Variants in KRTAP9-6 observed in about 807,000 individuals in gnomAD.
The protein encoded by KRTAP9-6 is keratin associated protein 9-6.
A neutral mutation model predicts 11.3 loss-of-function variants in KRTAP9-6; 5 were observed. The observed-to-expected ratio is 0.44, with a 90% CI of 0.23 to 0.93. The LOEUF is 0.93. KRTAP9-6 is among the 40% of genes least tolerant of loss of function. KRTAP9-6 has a pLI of 0.23. For missense variants in KRTAP9-6, 81 were observed against 159.6 expected (o/e 0.51, Z 2.65); for synonymous variants, 37 against 57.8 (o/e 0.64, Z 1.63).
rs754139576 is a variant in KRTAP9-6, at chr17:41,265,400, G to C, written c.23G>C (p.Gly8Ala). The C allele has an allele frequency of 1.4e-5, 23 of 1,611,750 alleles. No homozygotes were observed. The South Asian group carries it at 2.5e-4, about 18-fold the overall frequency. The change falls in exon 1 of 1, where the codon GGC (glycine) becomes GCC (alanine). Residue 8 changes from glycine to alanine, a missense_variant. By Grantham distance (60) the Gly-to-Ala change is moderately conservative. Coordinates refer to ENST00000391355, the Ensembl canonical transcript of KRTAP9-6. ...AACATGACCCACTGTTGCTCCCCTGGCTGTCAGCCTACCTGCTGCAGGACC... is the reference window on the plus strand; with the variant it reads ...AACATGACCCACTGTTGCTCCCCTGCCTGTCAGCCTACCTGCTGCAGGACC...
At chr17:41,265,472 G>A in exon 1 of KRTAP9-6, 1 of 1,612,742 alleles carries the variant, frequency 6.2e-7, no homozygotes, top group Non-Finnish European at 8.5e-7. Flanking sequence ...GTGACCACCT[G>A]CAGCAGCACA....
chr17:41,265,448 G>A, the KRTAP9-6 span: 1 of 1,612,498 alleles, frequency 6.2e-7, no homozygotes, highest in Non-Finnish European at 8.5e-7. Flanking sequence ...ACTACCTGCT[G>A]GCAGCCCACC....
At position 41,265,811 on chromosome 17, in the gene KRTAP9-6, A is replaced by G. The variant is rs576405629; in HGVS notation, c.434A>G (p.Tyr145Cys). 6 of 737,100 alleles carry G rather than the reference A, an allele frequency of 8.1e-6. 2 individuals are homozygous for G. The highest frequency in any genetic ancestry group is 1.1e-4 in the Admixed American group (2 of 18,516). The allele number at this position is 737,100 out of a possible 1,614,324, so 45.7% of individuals were successfully genotyped here. A position where few individuals can be genotyped will look rare whatever the true frequency, so the allele number is the denominator to read the frequency against. The change falls in exon 1 of 1, where the codon TAC becomes TGC. Residue 145 changes from tyrosine (Y) to cysteine (C), a missense_variant. Transcript: ENST00000391355. ...GGATCCAGCTGCTGCCAGCCCTGCT[A>G]CTGCCCAGCCTGCTGTGTGTCCAGC... is the stretch of plus-strand genomic sequence containing the variant.
At chr17:41,265,852 T>C (rs1257010794) in exon 1 of KRTAP9-6, 1 of 741,322 alleles carries the variant, frequency 1.3e-6, no homozygotes, top group East Asian at 3.9e-5. Flanking sequence ...CCAGCATTCT[T>C]GTTGCTGAGC....
chr17:41,265,613 C>T, exon 1 of KRTAP9-6: 6 of 1,553,664 alleles, frequency 3.9e-6, no homozygotes, highest in East Asian at 2.3e-5. Flanking sequence ...TGCCAGCCTT[C>T]CTGCTGCAGC....
chr17:41,265,451 A>G (rs1313758395), exon 1 of KRTAP9-6: 1 of 1,612,346 alleles, frequency 6.2e-7, no homozygotes, highest in Non-Finnish European at 8.5e-7. Flanking sequence ...ACCTGCTGGC[A>G]GCCCACCATT....
exon 1 of KRTAP9-6, chr17:41,265,516 T>G: frequency 1.3e-6 from 2 of 1,578,630 alleles, no homozygotes; most frequent in South Asian, 2.3e-5. Context: ...TGTGTCCAGC[T>G]GCTGCCAGCC....
chr17:41,265,649 G>C, exon 1 of KRTAP9-6: 1 of 1,458,864 alleles, frequency 6.9e-7, no homozygotes, highest in Non-Finnish European at 9.1e-7. Flanking sequence ...CCCATCTGCT[G>C]TGGGTCCAGC....
rs750527207 is a variant in KRTAP9-6 at position 41,265,392 on chromosome 17, C to T, written c.15C>T (p.Cys5=). ...CCCCTGACAACATGACCCACTGTTG[C>T]TCCCCTGGCTGTCAGCCTACCTGCT... is the stretch of plus-strand genomic sequence containing the variant. The change falls in exon 1 of 1, where the codon TGC becomes TGT. Residue 5 remains cysteine, a synonymous_variant. Coordinates refer to ENST00000391355, the Ensembl canonical transcript of KRTAP9-6. The T allele has an allele frequency of 3.1e-6, 5 of 1,611,606 alleles. No individual in the cohort carries two copies. The African/African-American group carries it at 4.0e-5, about 13-fold the overall frequency.
the KRTAP9-6 span, chr17:41,265,521 C>A: frequency 1.0e-5 from 16 of 1,575,938 alleles, no homozygotes; most frequent in Non-Finnish European, 1.3e-5. Flanking sequence ...CCAGCTGCTG[C>A]CAGCCTTACT....
chr17:41,265,450 C>A (rs759295586), exon 1 of KRTAP9-6: 5 of 1,612,480 alleles, frequency 3.1e-6, no homozygotes, highest in African/African-American at 1.3e-5. Flanking sequence ...TACCTGCTGG[C>A]AGCCCACCAT....
chr17:41,265,616 G>A (rs1412994135), exon 1 of KRTAP9-6: 1 of 1,551,472 alleles, frequency 6.4e-7, no homozygotes, highest in South Asian at 1.1e-5. Context: ...CAGCCTTCCT[G>A]CTGCAGCACA....
At position 41,265,668 on chromosome 17, in the gene KRTAP9-6, C is replaced by A. The variant is rs144591108; in HGVS notation, c.291C>A (p.Gly97=). The A allele has an allele frequency of 2.1e-3, 2,602 of 1,223,692 alleles. 689 individuals are homozygous for A. The African/African-American group carries it at 0.037, about 18-fold the overall frequency. The allele number at this position is 1,223,692 out of a possible 1,614,324, so 75.8% of individuals were successfully genotyped here. The change falls in exon 1 of 1, where the codon GGC becomes GGA. Residue 97 remains glycine, a synonymous_variant. Transcript: ENST00000391355. ...TCTGCTGTGGGTCCAGCTGCTGTGG[C>A]CAAACCAGCTGTGGGTCCAGCTGTG...
chr17:41,265,454 C>A, exon 1 of KRTAP9-6: 1 of 1,612,616 alleles, frequency 6.2e-7, no homozygotes, highest in Non-Finnish European at 8.5e-7. Context: ...TGCTGGCAGC[C>A]CACCATTGTG....
At position 41,265,805 on chromosome 17, in the gene KRTAP9-6, C is replaced by T. The variant is rs750786170; in HGVS notation, c.428C>T (p.Pro143Leu). The T allele has an allele frequency of 2.7e-5, 20 of 740,956 alleles. 8 individuals carry two copies. Among genetic ancestry groups the T allele is most frequent in the Non-Finnish European group, 3.7e-5 (20 of 542,992 alleles). The allele number at this position is 740,956 out of a possible 1,614,324, so 45.9% of individuals were successfully genotyped here. ...AGCTGTGGATCCAGCTGCTGCCAGC[C>T]CTGCTACTGCCCAGCCTGCTGTGTG... The change falls in exon 1 of 1, where the codon CCC becomes CTC. Residue 143 changes from proline to leucine, a missense_variant. Coordinates refer to ENST00000391355, the Ensembl canonical transcript of KRTAP9-6.
At chr17:41,265,449 G>C (rs775987777) in exon 1 of KRTAP9-6, 1 of 1,612,504 alleles carries the variant, frequency 6.2e-7, no homozygotes, top group Admixed American at 1.7e-5. Context: ...CTACCTGCTG[G>C]CAGCCCACCA....
At chr17:41,265,453 C>T (rs1242722925) in exon 1 of KRTAP9-6, 1 of 1,612,580 alleles carries the variant, frequency 6.2e-7, no homozygotes, top group African/African-American at 1.3e-5. Flanking sequence ...CTGCTGGCAG[C>T]CCACCATTGT....
chr17:41,265,615 T>C, exon 1 of KRTAP9-6: 2 of 1,552,712 alleles, frequency 1.3e-6, no homozygotes, highest in Non-Finnish European at 1.7e-6. Flanking sequence ...CCAGCCTTCC[T>C]GCTGCAGCAC....
exon 1 of KRTAP9-6, chr17:41,265,782 C>A: frequency 1.4e-6 from 1 of 740,248 alleles, no homozygotes; most frequent in South Asian, 3.2e-5. Context: ...TCAACCAGAG[C>A]TGTGGATCCA....
Sources: gnomAD v4.1 joint callset for allele counts on GRCh38, gnomAD v4.1.1 for gene constraint, MANE v1.5 for transcripts, NCBI Gene and HGNC (gene_info 2026-07-23, HGNC 2026-07-21) for gene names.